The following GALNT17 variants were observed in gnomAD, a reference collection of about 807,000 sequenced individuals.
GALNT17 encodes polypeptide N-acetylgalactosaminyltransferase 17, also known as UDP-GalNAc:polypeptide N-acetylgalactosaminyltransferase-like 3.
GALNT17 carries 29 observed loss-of-function variants against 63.7 expected under a neutral mutation model. That is an observed-to-expected ratio of 0.46 (90% confidence interval 0.34 to 0.62). GALNT17 has a LOEUF of 0.62. Among genes scored for constraint, GALNT17 ranks in the 20% least tolerant of loss-of-function variants. The pLI is 0.01. For synonymous variants in GALNT17, 305 were observed against 318.3 expected, an observed-to-expected ratio of 0.96 and a Z score of 0.45; for missense variants, 603 against 799.6, an observed-to-expected ratio of 0.75 and a Z score of 2.97.
At chr7:71,655,290 T>C (rs1030460612) in intron 6 of GALNT17, among the ~76,000 whole-genome samples, 1 of 152,146 alleles carries the variant, frequency 6.6e-6, no homozygotes, top group East Asian at 1.9e-4. Context: ...TTCAAAAAAC[T>C]TTCTGCTACC....
At chr7:71,311,769 C>T (rs1791418269) in intron 1 of GALNT17, among the ~76,000 whole-genome samples, 1 of 152,174 alleles carries the variant, frequency 6.6e-6, no homozygotes, top group African/African-American at 2.4e-5. Flanking sequence ...CATGCAGTTG[C>T]TCACCAGTCC....
At chr7:71,685,923 T>C (rs1203973899) in intron 9 of GALNT17, among the ~76,000 whole-genome samples, 1 of 150,220 alleles carries the variant, frequency 6.7e-6, no homozygotes, top group African/African-American at 2.4e-5. Flanking sequence ...GGTTTTTTTT[T>C]TTTTTTCTTT....
chr7:71,638,946 G>A (rs900162312), intron 6 of GALNT17, among the ~76,000 whole-genome samples: 3 of 151,952 alleles, frequency 2.0e-5, no homozygotes, highest in African/African-American at 4.8e-5. Flanking sequence ...GGTAGTGGGG[G>A]GTTGTGCAGG....
intron 1 of GALNT17, among the ~76,000 whole-genome samples, chr7:71,194,837 G>A (rs929689101): frequency 3.3e-5 from 5 of 152,130 alleles, no homozygotes; most frequent in Non-Finnish European, 7.3e-5. Context: ...TCAGCATCAC[G>A]GTGCTGTCTC....
intron 3 of GALNT17, among the ~76,000 whole-genome samples, chr7:71,390,332 G>A (rs1306397581): frequency 6.6e-6 from 1 of 152,070 alleles, no homozygotes; most frequent in African/African-American, 2.4e-5. Context: ...GATATCCCTG[G>A]CCCCTTCTGA....
intron 6 of GALNT17, among the ~76,000 whole-genome samples, chr7:71,577,361 A>G (rs547836889): frequency 2.0e-5 from 3 of 152,340 alleles, no homozygotes; most frequent in African/African-American, 7.2e-5. Flanking sequence ...CCCTGAAACT[A>G]AAACAAAAGT....
intron 1 of GALNT17, among the ~76,000 whole-genome samples, chr7:71,311,587 C>A (rs1002259169): frequency 6.6e-6 from 1 of 152,166 alleles, no homozygotes; most frequent in Non-Finnish European, 1.5e-5. Context: ...TGTGGGGGAT[C>A]CCAGTTCATG....
chr7:71,177,289 A>G (rs1043618771), intron 1 of GALNT17, among the ~76,000 whole-genome samples: 1 of 151,940 alleles, frequency 6.6e-6, no homozygotes, highest in East Asian at 1.9e-4. Flanking sequence ...TCCTTGATCA[A>G]TATCTCTGTC....
At chr7:71,582,420 A>G (rs996760187) in intron 6 of GALNT17, among the ~76,000 whole-genome samples, 1 of 104,536 alleles carries the variant, frequency 9.6e-6, no homozygotes, top group African/African-American at 4.5e-5. Context: ...TAAAAATACA[A>G]AAAAAAAAAA....
chr7:71,207,095 G>A lies in GALNT17; in HGVS notation c.238+74055G>A, dbSNP rs149434037. Among the ~76,000 whole-genome samples the A allele has an allele frequency of 2.4e-3, 358 of 151,628 alleles. 10 individuals are homozygous for A. The East Asian group carries it at 0.063, about 27-fold the overall frequency. ...CACTCCAGCCTGGGCGACAGAGCGA[G>A]ACTCTGTCTCAAAGAAAAAAAAAAA... On this transcript the variant is annotated intron_variant, in intron 1 of 10. Coordinates refer to ENST00000333538, the MANE Select transcript of GALNT17 (RefSeq NM_022479.3).
chr7:71,662,664 A>G (rs1790926462), intron 6 of GALNT17, among the ~76,000 whole-genome samples: 1 of 152,204 alleles, frequency 6.6e-6, no homozygotes, highest in Non-Finnish European at 1.5e-5. Flanking sequence ...TTTGCTTAGC[A>G]TGCTTTCCAG....
chr7:71,450,706 T>C (rs1787245638), intron 5 of GALNT17, among the ~76,000 whole-genome samples: 1 of 152,102 alleles, frequency 6.6e-6, no homozygotes, highest in Non-Finnish European at 1.5e-5. Flanking sequence ...ACAAATCTAT[T>C]TTCTGTCTCT....
intron 1 of GALNT17, among the ~76,000 whole-genome samples, chr7:71,265,187 C>T (rs1436844572): frequency 2.2e-4 from 29 of 132,762 alleles, no homozygotes; most frequent in Middle Eastern, 4.6e-3. Flanking sequence ...AGTGCAGTGG[C>T]GCGATCTTGG....
intron 1 of GALNT17, among the ~76,000 whole-genome samples, chr7:71,144,868 A>G (rs891117020): frequency 4.6e-5 from 7 of 152,158 alleles, no homozygotes; most frequent in Admixed American, 1.3e-4. Context: ...AGCTGGGACT[A>G]CAGGTGCATG....
intron 3 of GALNT17, among the ~76,000 whole-genome samples, chr7:71,396,369 G>T (rs1270126990): frequency 3.3e-5 from 5 of 152,030 alleles, no homozygotes; most frequent in African/African-American, 1.2e-4. Context: ...ATTTGTTCAA[G>T]AGTCCAATTT....
Position 71,580,761 on chromosome 7 carries a change from G to C in GALNT17, c.1080+9359G>C, listed in dbSNP as rs773357961. On this transcript the variant is annotated intron_variant, in intron 6 of 10. Transcript: ENST00000333538. ...AAATAGTGTTGCTGTTCTCTAAGGAGCACTGTTGGAGGAGGTTTGGGAGAA... is the reference window on the plus strand; with the variant it reads ...AAATAGTGTTGCTGTTCTCTAAGGACCACTGTTGGAGGAGGTTTGGGAGAA... Among the ~76,000 whole-genome samples the C allele has an allele frequency of 4.1e-4, 62 of 152,104 alleles. 1 individual carries two copies. The highest frequency in any genetic ancestry group is 2.2e-4 in the Non-Finnish European group (15 of 68,026).
intron 6 of GALNT17, among the ~76,000 whole-genome samples, chr7:71,637,942 A>G (rs533215851): frequency 6.6e-6 from 1 of 152,344 alleles, no homozygotes; most frequent in South Asian, 2.1e-4. Flanking sequence ...TGGCTACTCC[A>G]TAGGCAGAGC....
intron 6 of GALNT17, among the ~76,000 whole-genome samples, chr7:71,638,970 G>A (rs1253667736): frequency 6.6e-6 from 1 of 152,082 alleles, no homozygotes; most frequent in Non-Finnish European, 1.5e-5. Context: ...GATAAGGATG[G>A]TTAATGGGTA....
At chr7:71,346,329 A>G (rs912901942) in intron 2 of GALNT17, among the ~76,000 whole-genome samples, 1 of 152,158 alleles carries the variant, frequency 6.6e-6, no homozygotes, top group South Asian at 2.1e-4. Context: ...TCCAATGAGT[A>G]ATAATAATAA....
Sources: gnomAD v4.1 joint callset for allele counts (sites outside exome capture counted in the v4.1 genomes callset) on GRCh38, gnomAD v4.1.1 for gene constraint, MANE v1.5 for transcripts, NCBI Gene and HGNC (gene_info 2026-07-23, HGNC 2026-07-21) for gene names.